The following INVS variants were observed in gnomAD, a reference collection of about 807,000 sequenced individuals.
The protein encoded by INVS is inversion of embryo turning homolog.
INVS carries 86 observed loss-of-function variants against 108.8 expected under a neutral mutation model. The observed-to-expected ratio is 0.79, with a 90% CI of 0.66 to 0.95. INVS has a LOEUF of 0.95. Among genes scored for constraint, INVS ranks in the 40% least tolerant of loss-of-function variants. The pLI, the probability that INVS is intolerant of heterozygous loss-of-function variation, is 0.00. For synonymous variants in INVS, 455 were observed against 473.5 expected (o/e 0.96, Z 0.51); for missense variants, 1,169 against 1,297.4 (o/e 0.90, Z 1.52).
At chr9:100,116,510 T>C (rs1827535285) in intron 2 of INVS, among the ~76,000 whole-genome samples, 1 of 152,182 alleles carries the variant, frequency 6.6e-6, no homozygotes, top group East Asian at 1.9e-4. Context: ...TCCTCCCAAT[T>C]TGTGGCTTTT....
intron 13 of INVS, among the ~76,000 whole-genome samples, chr9:100,287,889 A>G (rs1256481805): frequency 6.6e-6 from 1 of 152,174 alleles, no homozygotes; most frequent in Non-Finnish European, 1.5e-5. Context: ...TCACACTTGA[A>G]GTCTAGGATT....
At chr9:100,280,777 G>A (rs1282761142) in intron 12 of INVS, among the ~76,000 whole-genome samples, 3 of 152,060 alleles carry the variant, frequency 2.0e-5, no homozygotes, top group Admixed American at 6.6e-5. Flanking sequence ...AAGAGCTAAG[G>A]ACTAAACACT....
intron 3 of INVS, among the ~76,000 whole-genome samples, chr9:100,177,576 A>C (rs147551124): frequency 2.8e-4 from 42 of 152,316 alleles, no homozygotes; most frequent in African/African-American, 1.0e-3. Flanking sequence ...GCCTCTCTAG[A>C]TTCCTCCTCT....
At chr9:100,106,016 A>G (rs1204338433) in intron 2 of INVS, among the ~76,000 whole-genome samples, 1 of 151,918 alleles carries the variant, frequency 6.6e-6, no homozygotes, top group Non-Finnish European at 1.5e-5. Flanking sequence ...AGTACTTACT[A>G]CTCATCATAC....
intron 2 of INVS, among the ~76,000 whole-genome samples, chr9:100,125,434 G>A (rs1257049604): frequency 6.6e-6 from 1 of 152,142 alleles, no homozygotes; most frequent in Admixed American, 6.5e-5. Flanking sequence ...GGTGTTTCTG[G>A]ATTATAGGCT....
intron 4 of INVS, 100 bp downstream of exon 4, chr9:100,226,335 A>G (rs909122973): frequency 1.1e-6 from 1 of 930,054 alleles, no homozygotes. Flanking sequence ...TACCACATAT[A>G]TACATGGTAG....
chr9:100,264,463 C>T (rs1327927128), intron 10 of INVS, among the ~76,000 whole-genome samples: 2 of 151,916 alleles, frequency 1.3e-5, no homozygotes, highest in Admixed American at 1.3e-4. Flanking sequence ...ACTAAAAATA[C>T]AAAAATTAGC....
chr9:100,144,922 G>T (rs77237374), intron 3 of INVS, among the ~76,000 whole-genome samples: 2,069 of 151,720 alleles, frequency 0.014, 35 homozygotes, highest in African/African-American at 0.048. Flanking sequence ...ACAACGTGTA[G>T]AAGAATGCCT....
intron 12 of INVS, among the ~76,000 whole-genome samples, chr9:100,279,760 T>G (rs1833221577): frequency 6.6e-6 from 1 of 152,180 alleles, no homozygotes; most frequent in Non-Finnish European, 1.5e-5. Context: ...AGGTGTTGTA[T>G]TCATGGCAAT....
chr9:100,226,729 C>T (rs1195043792), intron 4 of INVS, among the ~76,000 whole-genome samples: 1 of 144,962 alleles, frequency 6.9e-6, no homozygotes, highest in Non-Finnish European at 1.5e-5. Flanking sequence ...ATGAGAATCG[C>T]TTGAAACTGG....
chr9:100,258,123 C>T (rs1564179536), intron 10 of INVS, among the ~76,000 whole-genome samples: 1 of 152,164 alleles, frequency 6.6e-6, no homozygotes, highest in East Asian at 1.9e-4. Flanking sequence ...ACTCTTTTTT[C>T]TCTAAACTTC....
intron 3 of INVS, among the ~76,000 whole-genome samples, chr9:100,169,004 GA>G (rs1829453735): frequency 6.6e-6 from 1 of 152,054 alleles, no homozygotes; most frequent in Non-Finnish European, 1.5e-5. Context: ...CTCATTGTCA[GA>G]ATTAACAAGT....
At chr9:100,139,711 G>A (rs1199550715) in intron 3 of INVS, among the ~76,000 whole-genome samples, 1 of 152,120 alleles carries the variant, frequency 6.6e-6, no homozygotes, top group Non-Finnish European at 1.5e-5. Flanking sequence ...GGTGTGATCA[G>A]GGCTCACTGC....
At chr9:100,232,013 T>C (rs1324680243) in intron 5 of INVS, among the ~76,000 whole-genome samples, 2 of 152,196 alleles carry the variant, frequency 1.3e-5, no homozygotes, top group East Asian at 3.9e-4. Context: ...CTCCAGCATC[T>C]GTTGTTTCCT....
chr9:100,274,621 C>T (rs1432379214), intron 12 of INVS, among the ~76,000 whole-genome samples: 1 of 152,198 alleles, frequency 6.6e-6, no homozygotes, highest in Non-Finnish European at 1.5e-5. Flanking sequence ...TCTTATGACT[C>T]AGCCTCCCAA....
intron 3 of INVS, among the ~76,000 whole-genome samples, chr9:100,198,332 T>C (rs1830441979): frequency 7.9e-6 from 1 of 126,136 alleles, no homozygotes; most frequent in Non-Finnish European, 1.6e-5. Flanking sequence ...AGTTTCACTC[T>C]TCTTGTGCAG....
chr9:100,187,993 T>A (rs1830103024), intron 3 of INVS, among the ~76,000 whole-genome samples: 1 of 152,222 alleles, frequency 6.6e-6, no homozygotes, highest in Non-Finnish European at 1.5e-5. Flanking sequence ...ACTGTTGGTG[T>A]ATAGCAGTGC....
Position 100,300,712 on chromosome 9 carries a change from A to G in INVS, c.*38A>G. On this transcript the variant is annotated 3_prime_UTR_variant, in exon 17 of 17. Coordinates refer to ENST00000262457, the MANE Select transcript of INVS (RefSeq NM_014425.5). Reference sequence around the variant, plus strand: ...GAAGACTGTGTTCGGGGGAGCTGGCATAGCTAGTGCAGAGTTCAGATTTTC... The same window carrying G: ...GAAGACTGTGTTCGGGGGAGCTGGCGTAGCTAGTGCAGAGTTCAGATTTTC... 1 of 1,393,506 alleles carries G rather than the reference A, an allele frequency of 7.2e-7. No individual in the cohort carries two copies. The highest frequency in any genetic ancestry group is 1.0e-6 in the Non-Finnish European group (1 of 982,390). 86.3% of individuals were successfully genotyped at this position (1,393,506 alleles called of 1,614,324 possible).
intron 3 of INVS, among the ~76,000 whole-genome samples, chr9:100,205,817 C>T (rs1244224770): frequency 1.3e-5 from 2 of 152,032 alleles, no homozygotes; most frequent in African/African-American, 4.8e-5. Flanking sequence ...GTAGTGCCTA[C>T]TATAAATGAG....
Sources: gnomAD v4.1 joint callset for allele counts (sites outside exome capture counted in the v4.1 genomes callset) on GRCh38, gnomAD v4.1.1 for gene constraint, MANE v1.5 for transcripts, NCBI Gene and HGNC (gene_info 2026-07-23, HGNC 2026-07-21) for gene names.